The following TSHB variants were observed in gnomAD, a reference collection of about 807,000 sequenced individuals.
TSHB encodes thyroid stimulating hormone subunit beta.
Under a neutral mutation model 9.3 loss-of-function variants are expected in TSHB, and 9 were observed. The ratio of observed to expected loss-of-function variants is 0.97; its 90% CI spans 0.58 to 1.69. The LOEUF (loss-of-function observed/expected upper bound fraction) is 1.69, where lower values mean the gene tolerates loss of function less well. TSHB is among the 40% of genes most tolerant of loss of function. The probability of loss-of-function intolerance (pLI) is 0.00; values close to 1 mark genes in which losing one functional copy is unlikely to be tolerated. For synonymous variants in TSHB, 57 were observed against 57.2 expected (o/e 1.00, Z 0.01); for missense variants, 182 against 168.5 (o/e 1.08, Z -0.44).
At chr1:115,033,085 C>A (rs1398567771) in intron 1 of TSHB, among the ~76,000 whole-genome samples, 1 of 151,492 alleles carries the variant, frequency 6.6e-6, no homozygotes, top group Non-Finnish European at 1.5e-5. Context: ...TAATTTGTCC[C>A]AGCTGTACAT....
Position 115,033,454 on chromosome 1 carries a change from T to C in TSHB, c.92T>C (p.Ile31Thr), listed in dbSNP as rs1026552487. ...ATTCCAACTGAGTATACAATGCACATCGAAAGGAGAGAGTGTGCTTATTGC... is the reference window on the plus strand; with the variant it reads ...ATTCCAACTGAGTATACAATGCACACCGAAAGGAGAGAGTGTGCTTATTGC... ...FCIPTEYTMH[I>T]ERRECAYCLT... Residue 31 changes from isoleucine to threonine, a missense_variant, in exon 2 of 3, where the codon ATC (isoleucine) becomes ACC (threonine). Ile to Thr is a moderately conservative substitution (Grantham distance 89). Coordinates refer to ENST00000256592, the MANE Select transcript of TSHB (RefSeq NM_000549.5). 1.2e-6 allele frequency: 2 copies of C among 1,612,984 alleles called. No homozygotes were observed. The highest frequency in any genetic ancestry group is 1.7e-6 in the Non-Finnish European group (2 of 1,179,020).
At position 115,034,185 on chromosome 1, in the gene TSHB, T is replaced by C. The variant is rs1570954226; in HGVS notation, c.375T>C (p.Cys125=). 2 of 1,613,814 alleles carry C rather than the reference T, an allele frequency of 1.2e-6. No homozygotes were observed. Among genetic ancestry groups the C allele is most frequent in the Non-Finnish European group, 1.7e-6 (2 of 1,179,758 alleles). The change falls in exon 3 of 3, where the codon TGT becomes TGC. Residue 125 remains cysteine, a synonymous_variant. Coordinates refer to ENST00000256592, the MANE Select transcript of TSHB (RefSeq NM_000549.5). The stretch of plus-strand genomic sequence containing the variant: ...ATGAAGCCATCAAGACAAACTACTG[T>C]ACCAAACCTCAGAAGTCTTATCTGG... ...CIHEAIKTNY[C]TKPQKSYLVG...
chr1:115,032,517 G>A (rs1674914025), intron 1 of TSHB, among the ~76,000 whole-genome samples: 1 of 151,678 alleles, frequency 6.6e-6, no homozygotes, highest in South Asian at 2.1e-4. Flanking sequence ...CTCCATTAAG[G>A]TATATATTTT....
In TSHB at chr1:115,033,485, C is replaced by G. The variant is rs1674940034; in HGVS notation, c.123C>G (p.Thr41=). The change falls in exon 2 of 3, where the codon ACC becomes ACG. Residue 41 remains threonine (T), a synonymous_variant. Transcript: ENST00000256592. Reference sequence around the variant, plus strand: ...GGAGAGAGTGTGCTTATTGCCTAACCATCAACACCACCATCTGTGCTGGAT... The same window carrying G: ...GGAGAGAGTGTGCTTATTGCCTAACGATCAACACCACCATCTGTGCTGGAT... ...IERRECAYCL[T]INTTICAGYC... is the part of the protein sequence containing the mutation. 2 of 1,613,234 alleles carry G rather than the reference C, an allele frequency of 1.2e-6. No individual in the cohort carries two copies. The highest frequency in any genetic ancestry group is 2.2e-5 in the South Asian group (2 of 91,070).
chr1:115,031,665 T>C (rs765747818), intron 1 of TSHB, among the ~76,000 whole-genome samples: 10 of 152,046 alleles, frequency 6.6e-5, no homozygotes, highest in Non-Finnish European at 1.0e-4. Flanking sequence ...AATTTACCAG[T>C]TAGTAATTTT....
At position 115,030,276 on chromosome 1, in the gene TSHB, T is replaced by C. The variant is rs565737596; in HGVS notation, c.-2+416T>C. On this transcript the variant is annotated intron_variant, in intron 1 of 2. Coordinates refer to ENST00000256592, the MANE Select transcript of TSHB (RefSeq NM_000549.5). Reference sequence around the variant, plus strand: ...TAGAGCAAATTCATTTTTGAGTACCTGCTGGGGTAATGTACTCTGTATTAT... The same window carrying C: ...TAGAGCAAATTCATTTTTGAGTACCCGCTGGGGTAATGTACTCTGTATTAT... Among the ~76,000 whole-genome samples, 351 of 152,214 alleles carry C rather than the reference T, an allele frequency of 2.3e-3. 2 individuals carry two copies. Among genetic ancestry groups the C allele is most frequent in the African/African-American group, 8.2e-3 (339 of 41,578 alleles).
intron 1 of TSHB, among the ~76,000 whole-genome samples, chr1:115,030,887 T>C (rs1302286551): frequency 6.6e-6 from 1 of 152,050 alleles, no homozygotes; most frequent in Non-Finnish European, 1.5e-5. Context: ...TATTGTTTTA[T>C]TCTTTTTATG....
intron 1 of TSHB, among the ~76,000 whole-genome samples, chr1:115,032,380 T>C (rs1446451966): frequency 2.0e-5 from 3 of 152,084 alleles, no homozygotes; most frequent in Admixed American, 6.6e-5. Context: ...TTAAAGATGC[T>C]GTTGGGATAT....
chr1:115,033,432 C>T lies in TSHB; in HGVS notation c.70C>T (p.Pro24Ser), dbSNP rs780251418. The T allele has an allele frequency of 6.2e-7, 1 of 1,613,136 alleles. No homozygotes were observed. Among genetic ancestry groups the T allele is most frequent in the Non-Finnish European group, 8.5e-7 (1 of 1,179,176 alleles). Residue 24 changes from proline to serine, a missense_variant, in exon 2 of 3, where the codon CCA becomes TCA. Pro to Ser is a moderately conservative substitution (Grantham distance 74, BLOSUM62 -1). Transcript: ENST00000256592. ...TCGQAMSFCI[P>S]TEYTMHIERR... Reference sequence around the variant, plus strand: ...TGGGCAAGCGATGTCTTTTTGTATTCCAACTGAGTATACAATGCACATCGA... The same window carrying T: ...TGGGCAAGCGATGTCTTTTTGTATTTCAACTGAGTATACAATGCACATCGA...
chr1:115,033,268 T>C (rs1570953469), intron 1 of TSHB, 94 bp from the exon 2 acceptor site: 10 of 1,133,852 alleles, frequency 8.8e-6, no homozygotes, highest in Admixed American at 5.5e-5. Context: ...TCATATGCAT[T>C]GGGATGGTAC....
intron 1 of TSHB, among the ~76,000 whole-genome samples, 195 bp downstream of exon 1, chr1:115,030,055 A>G (rs982112126): frequency 2.0e-5 from 3 of 152,094 alleles, no homozygotes; most frequent in Admixed American, 6.6e-5. Flanking sequence ...CTACATAAGG[A>G]TAAGGAAAAA....
chr1:115,031,077 G>T (rs1224193064), intron 1 of TSHB, among the ~76,000 whole-genome samples: 1 of 151,974 alleles, frequency 6.6e-6, no homozygotes, highest in African/African-American at 2.4e-5. Flanking sequence ...AGATTTTCAT[G>T]ATCATCTTCT....
chr1:115,034,029 A>T lies in TSHB; in HGVS notation c.219A>T (p.Thr73=), dbSNP rs1458230566. The change falls in exon 3 of 3, where the codon ACA becomes ACT. Residue 73 remains threonine, a synonymous_variant. Transcript: ENST00000256592. The part of the protein sequence containing the change: ...PKYALSQDVC[T]YRDFIYRTVE... ...ATGCTCTGTCCCAGGATGTTTGCAC[A>T]TATAGAGACTTCATCTACAGGACTG... 2 of 1,613,700 alleles carry T rather than the reference A, an allele frequency of 1.2e-6. No individual in the cohort carries two copies. The highest frequency in any genetic ancestry group is 1.7e-6 in the Non-Finnish European group (2 of 1,179,766).
At chr1:115,033,335 G>C (rs774069373) in intron 1 of TSHB, 27 bp from the exon 2 acceptor site, 2 of 1,611,638 alleles carry the variant, frequency 1.2e-6, no homozygotes, top group Non-Finnish European at 1.7e-6. Context: ...TTAACAAATA[G>C]GTTCTTTAAT....
chr1:115,033,226 TC>T (rs1674933282), intron 1 of TSHB, 135 bp from the exon 2 acceptor site: 1 of 825,230 alleles, frequency 1.2e-6, no homozygotes, highest in East Asian at 2.6e-5. Context: ...TCTGGTGTCT[TC>T]CTTGACCAAA....
chr1:115,032,253 G>A (rs1482625949), intron 1 of TSHB, among the ~76,000 whole-genome samples: 2 of 151,770 alleles, frequency 1.3e-5, no homozygotes, highest in African/African-American at 4.8e-5. Flanking sequence ...ATAAATCCCT[G>A]GTAACCTGTG....
chr1:115,033,376 T>C lies in TSHB; in HGVS notation c.14T>C (p.Phe5Ser). The C allele has an allele frequency of 6.2e-7, 1 of 1,613,460 alleles. No homozygotes were observed. The highest frequency in any genetic ancestry group is 8.5e-7 in the Non-Finnish European group (1 of 1,179,498). The change falls in exon 2 of 3, where the codon TTT (phenylalanine) becomes TCT (serine). Residue 5 changes from phenylalanine to serine, a missense_variant. By Grantham distance (155) the Phe-to-Ser change is radical. Coordinates refer to ENST00000256592, the MANE Select transcript of TSHB (RefSeq NM_000549.5). Reference sequence around the variant, plus strand: ...CTTTGATTTAGCATGACTGCTCTCTTTCTGATGTCCATGCTTTTTGGCCTT... The same window carrying C: ...CTTTGATTTAGCATGACTGCTCTCTCTCTGATGTCCATGCTTTTTGGCCTT... The part of the protein sequence containing the change: MTAL[F>S]LMSMLFGLTC...
At chr1:115,032,497 C>A (rs3754363) in intron 1 of TSHB, among the ~76,000 whole-genome samples, 70,414 of 151,508 alleles carry the variant, frequency 0.46, 16,566 homozygotes, top group Non-Finnish European at 0.5. Flanking sequence ...GTTCATAGAC[C>A]ACAATACTAC....
At chr1:115,033,743 C>T (rs896072981) in intron 2 of TSHB, among the ~76,000 whole-genome samples, 3 of 152,114 alleles carry the variant, frequency 2.0e-5, no homozygotes, top group African/African-American at 2.4e-5. Context: ...CCCAGCTTTA[C>T]TTAAACCTTA....
Sources: gnomAD v4.1 joint callset for allele counts (sites outside exome capture counted in the v4.1 genomes callset) on GRCh38, gnomAD v4.1.1 for gene constraint, MANE v1.5 for transcripts, NCBI Gene and HGNC (gene_info 2026-07-23, HGNC 2026-07-21) for gene names.